Variants in ABCC4 observed in about 807,000 individuals in gnomAD.
ABCC4 encodes ATP-binding cassette sub-family C member 4.
Under a neutral mutation model 168.5 loss-of-function variants are expected in ABCC4, and 102 were observed. The observed-to-expected ratio is 0.61, with a 90% CI of 0.52 to 0.71. The LOEUF is 0.71. Among genes scored for constraint, ABCC4 ranks in the 30% least tolerant of loss-of-function variants. The pLI is 0.00. For missense variants in ABCC4, 1,402 were observed against 1,605.8 expected (o/e 0.87, Z 2.17); for synonymous variants, 617 against 590.7 (o/e 1.04, Z -0.65).
At chr13:95,202,644 C>CTTTTTTTTT (rs10603210) in intron 8 of ABCC4, among the ~76,000 whole-genome samples, 4 of 93,068 alleles carry the variant, frequency 4.3e-5, no homozygotes, top group Admixed American at 1.2e-4. Context: ...AGAATGTGCA[C>CTTTTTTTTT]TTTTTTTTTT....
At chr13:95,098,050 C>T (rs977643549) in intron 20 of ABCC4, among the ~76,000 whole-genome samples, 3 of 150,198 alleles carry the variant, frequency 2.0e-5, no homozygotes, top group African/African-American at 4.9e-5. Flanking sequence ...GCACAAGAAT[C>T]GCTTGAACCT....
At chr13:95,124,201 G>T (rs184601638) in intron 19 of ABCC4, among the ~76,000 whole-genome samples, 5 of 152,256 alleles carry the variant, frequency 3.3e-5, no homozygotes, top group African/African-American at 1.2e-4. Context: ...TGGAGAGATG[G>T]ACGTTTTACA....
chr13:95,206,919 A>G lies in ABCC4; in HGVS notation c.912-138T>C, dbSNP rs982585570. On this transcript the variant is annotated intron_variant, in intron 7 of 30. Transcript: ENST00000645237. ...GAGTTTGAGACCATCCTGGGCAACA[A>G]CAACAAAAAAGTGCAAAGGTGAGAG... The G allele has an allele frequency of 1.7e-4, 165 of 973,988 alleles. No homozygotes were observed. The Middle Eastern group carries it at 1.9e-3, about 11-fold the overall frequency. The allele number at this position is 973,988 out of a possible 1,614,324, so 60.3% of individuals were successfully genotyped here.
At position 95,043,761 on chromosome 13, in the gene ABCC4, A is replaced by AT. The variant is rs756859429; in HGVS notation, c.3655dup (p.Ile1219AsnfsTer22). The AT allele has an allele frequency of 4.3e-5, 68 of 1,597,404 alleles. 1 individual carries two copies. Among genetic ancestry groups the AT allele is most frequent in the South Asian group, 1.5e-4 (13 of 89,366 alleles). ...GGTGCAGTGGGCAAATTTCTCCCGG[A>AT]TTTTTTTTTGTATTAACTCATCAGT... On this transcript the variant is annotated frameshift_variant, in exon 29 of 31. Coordinates refer to ENST00000645237, the MANE Select transcript of ABCC4 (RefSeq NM_005845.5). LOFTEE classifies it high-confidence loss of function.
intron 3 of ABCC4, among the ~76,000 whole-genome samples, chr13:95,236,416 G>C (rs890202699): frequency 1.3e-5 from 2 of 152,150 alleles, no homozygotes; most frequent in East Asian, 3.9e-4. Flanking sequence ...ATTGATAGCT[G>C]TTTTCTGTCC....
chr13:95,190,755 G>C (rs2038226882), intron 9 of ABCC4, among the ~76,000 whole-genome samples: 1 of 152,198 alleles, frequency 6.6e-6, no homozygotes, highest in Admixed American at 6.5e-5. Flanking sequence ...TCCTAAAGGG[G>C]TTTAAGCAGC....
chr13:95,222,930 C>T (rs1376591358), intron 4 of ABCC4, among the ~76,000 whole-genome samples: 3 of 152,052 alleles, frequency 2.0e-5, no homozygotes, highest in Non-Finnish European at 2.9e-5. Context: ...CACGGAGCAG[C>T]CTCTCCATCC....
At chr13:95,073,332 GT>G in intron 23 of ABCC4, 28 bp from the exon 24 acceptor site, 1 of 1,580,212 alleles carries the variant, frequency 6.3e-7, no homozygotes, top group South Asian at 1.1e-5. Context: ...AGGGAATAAA[GT>G]CAGTCTCACT....
intron 26 of ABCC4, among the ~76,000 whole-genome samples, chr13:95,056,871 C>T (rs1404283925): frequency 6.6e-6 from 1 of 152,172 alleles, no homozygotes; most frequent in Admixed American, 6.5e-5. Flanking sequence ...TTAATCCTAA[C>T]AAAGATTATA....
At chr13:95,068,702 T>TG (rs1327481901) in intron 25 of ABCC4, among the ~76,000 whole-genome samples, 1 of 152,058 alleles carries the variant, frequency 6.6e-6, no homozygotes, top group Non-Finnish European at 1.5e-5. Context: ...TCCTATGATT[T>TG]GGGGGGGTTT....
intron 8 of ABCC4, among the ~76,000 whole-genome samples, chr13:95,202,523 C>T (rs7326976): frequency 0.088 from 13,306 of 152,026 alleles, 1,856 homozygotes; most frequent in African/African-American, 0.29. Context: ...CCAAGGTCTG[C>T]GTCCCACCCC....
intron 20 of ABCC4, among the ~76,000 whole-genome samples, chr13:95,101,525 T>A (rs2034806623): frequency 6.6e-6 from 1 of 152,306 alleles, no homozygotes; most frequent in South Asian, 2.1e-4. Flanking sequence ...AACCTCTGCA[T>A]CTTATCTTCA....
chr13:95,188,161 A>G (rs1054719885), intron 10 of ABCC4, among the ~76,000 whole-genome samples: 2 of 136,846 alleles, frequency 1.5e-5, no homozygotes, highest in African/African-American at 5.5e-5. Flanking sequence ...CCACTTTCTT[A>G]GTCAATCCAT....
rs760103969 is a variant in ABCC4 at position 95,234,627 on chromosome 13, G to A, written c.514C>T (p.His172Tyr). The change falls in exon 4 of 31, where the codon CAT becomes TAT. Residue 172 changes from histidine (H) to tyrosine (Y), a missense_variant. Around this residue, in one of 3 missense-constraint regions of ABCC4, gnomAD observed 317 missense variants for 345.5 expected, o/e 0.92. Coordinates refer to ENST00000645237, the MANE Select transcript of ABCC4 (RefSeq NM_005845.5). ...AGMRLRVAMC[H>Y]MIYRKALRLS... ...TCACTTACCTTCCGATAAATCATAT[G>A]GCACATGGCTACTCGTAACCTCATC... The A allele has an allele frequency of 1.9e-6, 3 of 1,613,656 alleles. No homozygotes were observed. Among genetic ancestry groups the A allele is most frequent in the East Asian group, 2.2e-5 (1 of 44,876 alleles).
At chr13:95,222,531 G>T (rs543412330) in intron 4 of ABCC4, among the ~76,000 whole-genome samples, 45 of 152,300 alleles carry the variant, frequency 3.0e-4, no homozygotes, top group African/African-American at 9.9e-4. Flanking sequence ...AGAAGGCTGT[G>T]GGGTGGGGGT....
At chr13:95,039,898 G>C (rs1298451385) in intron 29 of ABCC4, among the ~76,000 whole-genome samples, 1 of 152,186 alleles carries the variant, frequency 6.6e-6, no homozygotes, top group Non-Finnish European at 1.5e-5. Context: ...CACTATGGCA[G>C]CAAGCAATAC....
chr13:95,117,829 A>G (rs1294578141), intron 19 of ABCC4, among the ~76,000 whole-genome samples: 1 of 152,076 alleles, frequency 6.6e-6, no homozygotes, highest in Non-Finnish European at 1.5e-5. Context: ...CTATAATCCC[A>G]GTACTTCTGA....
chr13:95,102,234 T>C (rs2034835199), intron 20 of ABCC4, among the ~76,000 whole-genome samples: 1 of 152,170 alleles, frequency 6.6e-6, no homozygotes, highest in Non-Finnish European at 1.5e-5. Flanking sequence ...AACCTCGAAC[T>C]TCTGGGCTCA....
intron 19 of ABCC4, among the ~76,000 whole-genome samples, chr13:95,151,437 T>C (rs541417487): frequency 2.1e-5 from 3 of 142,596 alleles, no homozygotes; most frequent in East Asian, 4.2e-4. Context: ...ATCACACCAC[T>C]GCACTCCAGC....
Sources: allele counts gnomAD v4.1 joint callset (sites outside exome capture counted in the v4.1 genomes callset), GRCh38; gene constraint gnomAD v4.1.1; regional missense constraint gnomAD v4.1.1; transcripts MANE v1.5; gene names NCBI Gene and HGNC (gene_info 2026-07-23, HGNC 2026-07-21).